Variants in TJP2 observed in about 807,000 individuals in gnomAD.
The protein encoded by TJP2 is Friedreich ataxia region gene X104 (tight junction protein ZO-2).
In TJP2, 91 loss-of-function variants were observed where a neutral mutation model predicts 133.1. The ratio of observed to expected loss-of-function variants is 0.68; its 90% CI spans 0.58 to 0.81. TJP2 has a LOEUF of 0.81. Ranked by LOEUF, TJP2 falls within the 40% of genes least tolerant of loss-of-function variation. The pLI, the probability that TJP2 is intolerant of heterozygous loss-of-function variation, is 0.00. For missense variants in TJP2, 1,541 were observed against 1,565.6 expected (o/e 0.98, Z 0.26); for synonymous variants, 592 against 583.4 (o/e 1.01, Z -0.21).
intron 1 of TJP2, among the ~76,000 whole-genome samples, chr9:69,140,455 T>C (rs1822971140): frequency 6.6e-6 from 1 of 152,112 alleles, no homozygotes; most frequent in Non-Finnish European, 1.5e-5. Context: ...TGCTACAGAG[T>C]GGGAGGGGTG....
chr9:69,166,129 T>C (rs1028690385), intron 2 of TJP2, among the ~76,000 whole-genome samples: 252 of 152,294 alleles, frequency 1.7e-3, no homozygotes, highest in African/African-American at 5.7e-3. Flanking sequence ...TTATTTTTTT[T>C]TGAGGCAGGG....
intron 1 of TJP2, among the ~76,000 whole-genome samples, chr9:69,138,550 T>A (rs1293076961): frequency 6.6e-6 from 1 of 151,558 alleles, no homozygotes; most frequent in African/African-American, 2.4e-5. Context: ...GCGGATCACT[T>A]GAGGTCAGGA....
chr9:69,199,206 G>T (rs1826812617), intron 1 of TJP2, among the ~76,000 whole-genome samples: 1 of 152,142 alleles, frequency 6.6e-6, no homozygotes, highest in South Asian at 2.1e-4. Flanking sequence ...CTAAGGATTT[G>T]AGTTCGTTTG....
chr9:69,121,459 C>A, upstream of TJP2: 1 of 560,458 alleles, frequency 1.8e-6, no homozygotes, highest in Non-Finnish European at 2.2e-6. Flanking sequence ...GATTTTTTTT[C>A]CCCTTCTCTC....
At position 69,254,481 on chromosome 9, in the gene TJP2, G is replaced by A. The variant is rs764092267; in HGVS notation, c.*107G>A. 1.3e-5 allele frequency: 19 copies of A among 1,414,328 alleles called. No homozygotes were observed. The highest frequency in any genetic ancestry group is 1.6e-5 in the Non-Finnish European group (16 of 1,016,166). The allele number at this position is 1,414,328 out of a possible 1,614,324, so 87.6% of individuals were successfully genotyped here. On this transcript the variant is annotated 3_prime_UTR_variant, in exon 23 of 23. Transcript: ENST00000377245. ...TCCAGTTAGAATGCACCATGGAGACGTGGTGGGACTCCAGCTCGTGTGTCC... is the reference window on the plus strand; with the variant it reads ...TCCAGTTAGAATGCACCATGGAGACATGGTGGGACTCCAGCTCGTGTGTCC...
intron 1 of TJP2, among the ~76,000 whole-genome samples, chr9:69,141,865 A>G (rs1474214677): frequency 6.6e-6 from 1 of 152,232 alleles, no homozygotes; most frequent in African/African-American, 2.4e-5. Context: ...CTGGGATTAC[A>G]GGCGTGAGCC....
intron 5 of TJP2, 56 bp downstream of exon 5, chr9:69,221,552 T>TA (rs1828861397): frequency 1.3e-6 from 2 of 1,558,120 alleles, no homozygotes; most frequent in African/African-American, 1.4e-5. Flanking sequence ...TAACCTTTGT[T>TA]TTCTTAATTT....
intron 1 of TJP2, among the ~76,000 whole-genome samples, chr9:69,137,358 T>G (rs1283335779): frequency 6.9e-6 from 1 of 145,138 alleles, no homozygotes; most frequent in Non-Finnish European, 1.5e-5. Context: ...GGGTTTTGCT[T>G]TGTTGCCCAG....
intron 2 of TJP2, among the ~76,000 whole-genome samples, chr9:69,212,826 T>C (rs1441004319): frequency 1.3e-5 from 2 of 152,186 alleles, no homozygotes; most frequent in African/African-American, 4.8e-5. Flanking sequence ...AGAGGTTATT[T>C]AGTGTATACT....
upstream of TJP2, chr9:69,174,263 T>C (rs1824880238): frequency 6.6e-7 from 1 of 1,523,108 alleles, no homozygotes; most frequent in Non-Finnish European, 8.9e-7. Flanking sequence ...ACCCCGGCGG[T>C]TGGGCTGCGG....
chr9:69,170,521 T>C (rs984050222), upstream of TJP2, among the ~76,000 whole-genome samples: 3 of 152,220 alleles, frequency 2.0e-5, no homozygotes, highest in Admixed American at 6.5e-5. Flanking sequence ...CATTATTAGA[T>C]ACAGGCATAT....
intron 1 of TJP2, among the ~76,000 whole-genome samples, chr9:69,188,943 G>T (rs1826033145): frequency 6.6e-6 from 1 of 152,148 alleles, no homozygotes; most frequent in African/African-American, 2.4e-5. Context: ...ACTTAGATAT[G>T]CTGTGTTTGG....
intron 16 of TJP2, among the ~76,000 whole-genome samples, chr9:69,239,730 C>T (rs1306867543): frequency 6.6e-6 from 1 of 151,616 alleles, no homozygotes; most frequent in Non-Finnish European, 1.5e-5. Context: ...AGGATAATTG[C>T]TTGAACCCGG....
intron 1 of TJP2, among the ~76,000 whole-genome samples, chr9:69,191,134 C>T (rs1281148563): frequency 3.9e-5 from 2 of 51,628 alleles, no homozygotes; most frequent in Non-Finnish European, 9.0e-5. Flanking sequence ...TGAGCACTGA[C>T]AGACAGGTTT....
chr9:69,232,982 T>A (rs969020282), intron 11 of TJP2, among the ~76,000 whole-genome samples: 1 of 152,182 alleles, frequency 6.6e-6, no homozygotes, highest in Non-Finnish European at 1.5e-5. Context: ...TGTGGCCCTG[T>A]CTTATTTAAG....
At position 69,205,099 on chromosome 9, in the gene TJP2, G is replaced by A. The variant is rs184026686; in HGVS notation, c.61-7449G>A. On this transcript the variant is annotated intron_variant, in intron 1 of 22. Coordinates refer to ENST00000377245, the MANE Select transcript of TJP2 (RefSeq NM_004817.4). Reference sequence around the variant, plus strand: ...TCCGCCTTACGTAACCACATGGAGTGATGGAAATGGGTGAGCAGCCCGGAA... The same window carrying A: ...TCCGCCTTACGTAACCACATGGAGTAATGGAAATGGGTGAGCAGCCCGGAA... The A allele has an allele frequency of 2.0e-5, 31 of 1,533,262 alleles. No individual in the cohort carries two copies. In the East Asian group the frequency reaches 4.9e-4, roughly 24 times the overall value. The allele number at this position is 1,533,262 out of a possible 1,614,324, so 95.0% of individuals were successfully genotyped here.
chr9:69,180,589 A>G (rs1446373401), intron 1 of TJP2, among the ~76,000 whole-genome samples: 2 of 152,184 alleles, frequency 1.3e-5, no homozygotes, highest in East Asian at 1.9e-4. Context: ...GGAGCTCTAC[A>G]ATGGGAATAG....
intron 1 of TJP2, among the ~76,000 whole-genome samples, chr9:69,175,771 T>C (rs1335024047): frequency 2.6e-5 from 4 of 152,182 alleles, no homozygotes; most frequent in African/African-American, 9.7e-5. Context: ...GGTGCTTTAC[T>C]AAAGCACCGG....
At chr9:69,156,657 G>A (rs1333020943) in intron 2 of TJP2, among the ~76,000 whole-genome samples, 2 of 149,620 alleles carry the variant, frequency 1.3e-5, no homozygotes, top group Non-Finnish European at 3.0e-5. Context: ...TCAGCCTCCC[G>A]AGTAGCTGGG....
Sources: gnomAD v4.1 joint callset for allele counts (sites outside exome capture counted in the v4.1 genomes callset) on GRCh38, gnomAD v4.1.1 for gene constraint, MANE v1.5 for transcripts, NCBI Gene and HGNC (gene_info 2026-07-23, HGNC 2026-07-21) for gene names.